MGAM: variants seen among roughly 807,000 people sequenced by gnomAD.
MGAM encodes the protein maltase-glucoamylase, also known as alpha-1,4-glucosidase.
In MGAM, 253 loss-of-function variants were observed where a neutral mutation model predicts 358.8. The ratio of observed to expected loss-of-function variants is 0.71; its 90% CI spans 0.64 to 0.78. MGAM has a LOEUF of 0.78. Ranked by LOEUF, MGAM falls within the 30% of genes least tolerant of loss-of-function variation. The pLI is 0.00. For synonymous variants in MGAM, 1,105 were observed against 1,227.1 expected, an observed-to-expected ratio of 0.90 and a Z score of 2.08; for missense variants, 3,080 against 3,432.6, an observed-to-expected ratio of 0.90 and a Z score of 2.57.
Position 142,085,986 on chromosome 7 carries a change from G to A in MGAM, c.6636+25G>A, listed in dbSNP as rs749525644. ...GGTTAGTCCTGATGTGAATGTGTGCGGTCTGTTTGGGAGCAGGTATGGGTT... is the reference window on the plus strand; with the variant it reads ...GGTTAGTCCTGATGTGAATGTGTGCAGTCTGTTTGGGAGCAGGTATGGGTT... On this transcript the variant is annotated intron_variant, in intron 55 of 70. Transcript: ENST00000475668. 1.0e-5 allele frequency: 16 copies of A among 1,553,048 alleles called. 1 individual carries two copies. The East Asian group carries it at 1.6e-4, about 16-fold the overall frequency.
intron 57 of MGAM, among the ~76,000 whole-genome samples, chr7:142,088,469 C>G (rs574409515): frequency 1.5e-4 from 14 of 91,514 alleles, no homozygotes; most frequent in African/African-American, 6.9e-4. Flanking sequence ...ATGTACGTAT[C>G]TATCTATCTA....
intron 40 of MGAM, among the ~76,000 whole-genome samples, chr7:142,066,153 G>C (rs1271803140): frequency 6.9e-6 from 1 of 144,376 alleles, no homozygotes; most frequent in South Asian, 2.2e-4. Flanking sequence ...GTAGAAATGG[G>C]ATCTTGCCAT....
At chr7:142,080,709 G>T in intron 49 of MGAM, 82 bp from the exon 50 acceptor site, 1 of 1,250,354 alleles carries the variant, frequency 8.0e-7, no homozygotes, top group Non-Finnish European at 1.1e-6. Context: ...CTGAACTTTT[G>T]TCCAAAAATC....
chr7:142,077,036 C>A (rs1359729723), intron 47 of MGAM, among the ~76,000 whole-genome samples: 1 of 145,136 alleles, frequency 6.9e-6, no homozygotes, highest in Non-Finnish European at 1.6e-5. Flanking sequence ...TTCTTATTCC[C>A]TTCTCTGCCT....
chr7:142,083,751 G>A (rs1438448220), intron 53 of MGAM, among the ~76,000 whole-genome samples: 1 of 140,378 alleles, frequency 7.1e-6, no homozygotes, highest in Non-Finnish European at 1.6e-5. Flanking sequence ...TGGTGATAAT[G>A]ATGGTGGTAG....
At chr7:142,018,260 T>C (rs1315904246) in intron 3 of MGAM, among the ~76,000 whole-genome samples, 1 of 152,136 alleles carries the variant, frequency 6.6e-6, no homozygotes, top group Non-Finnish European at 1.5e-5. Context: ...TCTTCAGGTG[T>C]TGTTGGATTG....
intron 45 of MGAM, among the ~76,000 whole-genome samples, chr7:142,074,505 G>A (rs1190575535): frequency 6.9e-6 from 1 of 145,612 alleles, no homozygotes; most frequent in Non-Finnish European, 1.6e-5. Flanking sequence ...ATTCTTATGA[G>A]CAAATGTTGA....
Position 142,034,687 on chromosome 7 carries a change from T to C in MGAM, c.1805T>C (p.Phe602Ser). Reference sequence around the variant, plus strand: ...CCTTGCAGAGCTGCCAAGACTGTGTTCCCTAATAAGAGAAGCTTCATTCTG... The same window carrying C: ...CCTTGCAGAGCTGCCAAGACTGTGTCCCCTAATAAGAGAAGCTTCATTCTG... ...VATAEAAKTV[F>S]PNKRSFILTR... is the part of the protein sequence containing the mutation. The change falls in exon 16 of 71, where the codon TTC becomes TCC. Residue 602 changes from phenylalanine (F) to serine (S), a missense_variant. Phe to Ser is a radical substitution (Grantham distance 155). Around this residue, in one of 5 missense-constraint regions of MGAM, gnomAD observed 1,816 missense variants for 1,840.5 expected, o/e 0.99. Transcript: ENST00000475668. The C allele has an allele frequency of 1.2e-6, 2 of 1,613,412 alleles. No homozygotes were observed. The highest frequency in any genetic ancestry group is 2.7e-5 in the African/African-American group (2 of 75,016).
chr7:142,060,382 G>C lies in MGAM; in HGVS notation c.4122+9G>C, dbSNP rs371361712. ...GGGACAGCCAAGTGGAGGTAAAAGG[G>C]TGTTTGTAAATTTGGGTGGAGTCAG... On this transcript the variant is annotated intron_variant, in intron 34 of 70. Transcript: ENST00000475668. 3.7e-6 allele frequency: 6 copies of C among 1,613,838 alleles called. No homozygotes were observed. The African/African-American group carries it at 8.0e-5, about 22-fold the overall frequency.
chr7:142,042,570 TATA>T (rs1425437371), intron 21 of MGAM, among the ~76,000 whole-genome samples: 2 of 50,146 alleles, frequency 4.0e-5, no homozygotes, highest in African/African-American at 7.8e-5. Flanking sequence ...ATATATAATA[TATA>T]ATATATATTA....
chr7:142,070,946 AG>A (rs1350130214), intron 43 of MGAM, 47 bp from the exon 44 acceptor site: 1 of 1,549,992 alleles, frequency 6.5e-7, no homozygotes, highest in Non-Finnish European at 8.9e-7. Context: ...TTGTTCAGGG[AG>A]GGGCCTGTCC....
chr7:142,074,267 C>G, intron 45 of MGAM, 94 bp downstream of exon 45: 1 of 927,118 alleles, frequency 1.1e-6, no homozygotes, highest in African/African-American at 1.6e-5. Flanking sequence ...TGGGAGAAAT[C>G]TCAGCAGGCA....
chr7:142,029,464 C>T (rs12703416), intron 10 of MGAM, among the ~76,000 whole-genome samples: 3,800 of 152,254 alleles, frequency 0.025, 66 homozygotes, highest in Non-Finnish European at 0.039. Flanking sequence ...TAGAGGTCAT[C>T]TCTTTTTTTA....
intron 2 of MGAM, among the ~76,000 whole-genome samples, 164 bp downstream of exon 2, chr7:142,005,821 AT>A (rs1280162828): frequency 2.1e-4 from 32 of 152,018 alleles, no homozygotes; most frequent in African/African-American, 7.7e-4. Context: ...GTAGATATTC[AT>A]TGTAGGTTTA....
At chr7:142,105,665 A>T in intron 70 of MGAM, 149 bp from the exon 71 acceptor site, 1 of 592,478 alleles carries the variant, frequency 1.7e-6, no homozygotes, top group Non-Finnish European at 3.1e-6. Context: ...CACCCTTCTC[A>T]TCTGAAACTT....
At chr7:141,988,343 TC>T (rs139527760) in intron 2 of MGAM, among the ~76,000 whole-genome samples, 5,032 of 151,614 alleles carry the variant, frequency 0.033, 300 homozygotes, top group African/African-American at 0.12. Flanking sequence ...CTGCAAAGTG[TC>T]ACACAATGCA....
At chr7:142,059,043 AT>A (rs984844106) in intron 31 of MGAM, among the ~76,000 whole-genome samples, 1 of 152,206 alleles carries the variant, frequency 6.6e-6, no homozygotes, top group African/African-American at 2.4e-5. Context: ...CAAAGCAACT[AT>A]ACATCTTTGC....
intron 26 of MGAM, among the ~76,000 whole-genome samples, chr7:142,053,937 C>T (rs541349239): frequency 6.4e-4 from 97 of 152,294 alleles, no homozygotes; most frequent in African/African-American, 2.3e-3. Flanking sequence ...GCCTACTCTA[C>T]CTCTTGACCG....
intron 19 of MGAM, among the ~76,000 whole-genome samples, chr7:142,039,429 A>G (rs547461931): frequency 1.3e-5 from 2 of 152,134 alleles, no homozygotes; most frequent in African/African-American, 4.8e-5. Context: ...ACCAAATCTT[A>G]CAAGAATTCA....
Sources: gnomAD v4.1 joint callset for allele counts (sites outside exome capture counted in the v4.1 genomes callset) on GRCh38, gnomAD v4.1.1 for gene constraint, gnomAD v4.1.1 regional missense constraint, MANE v1.5 for transcripts, NCBI Gene and HGNC (gene_info 2026-07-23, HGNC 2026-07-21) for gene names.